The following HCLS1 variants were observed in gnomAD, a reference collection of about 807,000 sequenced individuals.
HCLS1 encodes hematopoietic lineage cell-specific protein.
HCLS1 carries 44 observed loss-of-function variants against 68.6 expected under a neutral mutation model. The ratio of observed to expected loss-of-function variants is 0.64; its 90% CI spans 0.50 to 0.82. HCLS1 has a LOEUF of 0.82. Among genes scored for constraint, HCLS1 ranks in the 40% least tolerant of loss-of-function variants. The probability of loss-of-function intolerance (pLI) is 0.00; values close to 1 mark genes in which losing one functional copy is unlikely to be tolerated. For synonymous variants in HCLS1, 217 were observed against 225.8 expected, an observed-to-expected ratio of 0.96 and a Z score of 0.35; for missense variants, 602 against 612.1, an observed-to-expected ratio of 0.98 and a Z score of 0.17.
chr3:121,648,627 C>G (rs373752878), intron 3 of HCLS1, among the ~76,000 whole-genome samples: 1 of 152,194 alleles, frequency 6.6e-6, no homozygotes, highest in Non-Finnish European at 1.5e-5. Context: ...ATTGGTTATA[C>G]GTAGAATGGC....
chr3:121,657,464 G>A (rs561603110), intron 2 of HCLS1, 112 bp from the exon 3 acceptor site: 28 of 893,376 alleles, frequency 3.1e-5, no homozygotes, highest in Non-Finnish European at 5.1e-5. Flanking sequence ...GCCTTCTTCA[G>A]TCTGGGTCTT....
intron 3 of HCLS1, among the ~76,000 whole-genome samples, chr3:121,650,303 A>G (rs1333070399): frequency 2.0e-5 from 3 of 152,168 alleles, no homozygotes. Context: ...GCATTCTTGT[A>G]GGAATTGACT....
At chr3:121,635,417 A>G (rs901854703) in intron 9 of HCLS1, among the ~76,000 whole-genome samples, 2 of 151,956 alleles carry the variant, frequency 1.3e-5, no homozygotes, top group African/African-American at 4.8e-5. Flanking sequence ...AGCTGGGATT[A>G]TAGGTGTGCA....
At chr3:121,633,216 C>T (rs1210944505) in intron 10 of HCLS1, 45 bp from the exon 11 acceptor site, 6 of 1,250,946 alleles carry the variant, frequency 4.8e-6, no homozygotes, top group East Asian at 2.5e-5. Flanking sequence ...CCTCCATCTT[C>T]ACTCCTTTTT....
Position 121,632,481 on chromosome 3 carries a change from G to C in HCLS1, c.1091C>G (p.Pro364Arg), listed in dbSNP as rs906901777. The C allele has an allele frequency of 1.2e-6, 2 of 1,614,040 alleles. No individual in the cohort carries two copies. The highest frequency in any genetic ancestry group is 1.3e-5 in the African/African-American group (1 of 75,018). The change falls in exon 12 of 14, where the codon CCT becomes CGT. Residue 364 changes from proline (P) to arginine (R), a missense_variant. Physicochemically the swap from Pro to Arg is moderately radical, Grantham distance 103 (BLOSUM62 -2). Coordinates refer to ENST00000314583, the MANE Select transcript of HCLS1 (RefSeq NM_005335.6). ...VEEEPVYEAE[P>R]EPEPEPEPEP... ...GGGCTCAGGCTCGGGCTCAGGCTCA[G>C]GCTCTGCTTCGTACACTGGCTCTTC...
intron 4 of HCLS1, among the ~76,000 whole-genome samples, chr3:121,646,720 A>G (rs902711471): frequency 1.5e-5 from 2 of 129,774 alleles, no homozygotes; most frequent in Admixed American, 9.0e-5. Flanking sequence ...TATTTATAAC[A>G]TATATAAAAT....
At chr3:121,642,811 G>T (rs1576464262) in intron 6 of HCLS1, 116 bp downstream of exon 6, 2 of 807,268 alleles carry the variant, frequency 2.5e-6, no homozygotes, top group East Asian at 5.0e-5. Flanking sequence ...AAATAAAATA[G>T]TGGTGCGCTG....
At chr3:121,639,397 T>A (rs1259290061) in intron 6 of HCLS1, among the ~76,000 whole-genome samples, 2 of 152,190 alleles carry the variant, frequency 1.3e-5, no homozygotes, top group African/African-American at 4.8e-5. Flanking sequence ...AAAGTAGAAG[T>A]CAATACCAAT....
At chr3:121,632,020 C>T (rs1420628808) in intron 13 of HCLS1, 38 bp from the exon 14 acceptor site, 6 of 1,614,054 alleles carry the variant, frequency 3.7e-6, no homozygotes, top group Admixed American at 1.7e-5. Context: ...AATGGTCAGA[C>T]ATGAATCTCT....
At chr3:121,652,307 T>C (rs542602414) in intron 3 of HCLS1, among the ~76,000 whole-genome samples, 1 of 152,306 alleles carries the variant, frequency 6.6e-6, no homozygotes, top group Non-Finnish European at 1.5e-5. Context: ...ATATTATATA[T>C]ATATAGTCAA....
chr3:121,636,894 T>C (rs1206192263), intron 7 of HCLS1, among the ~76,000 whole-genome samples: 1 of 152,088 alleles, frequency 6.6e-6, no homozygotes, highest in Non-Finnish European at 1.5e-5. Flanking sequence ...TCTGTCCTCA[T>C]TCCTTCCTCA....
At chr3:121,632,276 CT>C (rs2049104868) in intron 12 of HCLS1, 55 bp downstream of exon 12, 2 of 1,603,736 alleles carry the variant, frequency 1.2e-6, no homozygotes, top group Non-Finnish European at 1.7e-6. Context: ...ATTCTTCTTC[CT>C]CTTACCCTCC....
chr3:121,635,613 T>C (rs747364877), intron 9 of HCLS1, 122 bp downstream of exon 9: 1 of 762,164 alleles, frequency 1.3e-6, no homozygotes, highest in Non-Finnish European at 2.3e-6. Context: ...AATATGAGGA[T>C]AGGGATCAGG....
At chr3:121,657,046 G>A in intron 3 of HCLS1, 1 of 420,564 alleles carries the variant, frequency 2.4e-6, no homozygotes, top group South Asian at 5.2e-5. Context: ...GAGTTGTTAG[G>A]TATAAAAGAT....
Position 121,649,818 on chromosome 3 carries a change from C to G in HCLS1, c.159-2370G>C, listed in dbSNP as rs1937704119. ...ATGTGAACCAAGCAAAATGTAGCAC[C>G]TCAAAGATGACTCATTCCTCAATCT... On this transcript the variant is annotated intron_variant, in intron 3 of 13. Coordinates refer to ENST00000314583, the MANE Select transcript of HCLS1 (RefSeq NM_005335.6). Among the ~76,000 whole-genome samples, 3 of 152,128 alleles carry G rather than the reference C, an allele frequency of 2.0e-5. No homozygotes were observed. In the South Asian group the frequency reaches 6.2e-4, roughly 31 times the overall value.
rs1263009330 is a variant in HCLS1 at position 121,632,400 on chromosome 3, T to A, written c.1172A>T (p.Asp391Val). The change falls in exon 12 of 14, where the codon GAT (aspartate) becomes GTT (valine). Residue 391 changes from aspartate (D) to valine (V), a missense_variant. By Grantham distance (152) the Asp-to-Val change is radical (BLOSUM62 -3). Transcript: ENST00000314583. ...VEEMDRHEQE[D>V]EPEGDYEEVL... is the part of the protein sequence containing the mutation. The stretch of plus-strand genomic sequence containing the variant: ...CTCCTCATAGTCCCCCTCTGGTTCA[T>A]CCTCCTGCTCATGCCTGTCCATCTC... 6.2e-7 allele frequency: 1 copy of A among 1,613,736 alleles called. No individual in the cohort carries two copies. Among genetic ancestry groups the A allele is most frequent in the Admixed American group, 1.7e-5 (1 of 59,998 alleles).
chr3:121,637,103 C>T (rs2049156869), intron 7 of HCLS1, 43 bp downstream of exon 7: 2 of 1,324,452 alleles, frequency 1.5e-6, no homozygotes, highest in South Asian at 1.2e-5. Context: ...GGAAGGAGAT[C>T]CCTGTGCTAT....
In HCLS1 at chr3:121,656,511, TC is replaced by T. The variant is rs1217336211; in HGVS notation, c.158+767del. On this transcript the variant is annotated intron_variant, in intron 3 of 13. Coordinates refer to ENST00000314583, the MANE Select transcript of HCLS1 (RefSeq NM_005335.6). Reference sequence around the variant, plus strand: ...TCTCTCAGCCTGAATGTATGACATATCCCACAGAAACCCCTGGATATGTCTG... The same window carrying T: ...TCTCTCAGCCTGAATGTATGACATATCCACAGAAACCCCTGGATATGTCTG... 2.6e-5 allele frequency among the ~76,000 whole-genome samples: 4 copies of T among 152,190 alleles called. No individual in the cohort carries two copies. In the East Asian group the frequency reaches 5.8e-4, roughly 22 times the overall value.
At chr3:121,642,847 A>C (rs2049213382) in intron 6 of HCLS1, 80 bp downstream of exon 6, 3 of 1,086,918 alleles carry the variant, frequency 2.8e-6, no homozygotes, top group Non-Finnish European at 4.3e-6. Flanking sequence ...AAAGCTGATG[A>C]CAACTGCTGG....
Sources: gnomAD v4.1 joint callset for allele counts (sites outside exome capture counted in the v4.1 genomes callset) on GRCh38, gnomAD v4.1.1 for gene constraint, MANE v1.5 for transcripts, NCBI Gene and HGNC (gene_info 2026-07-23, HGNC 2026-07-21) for gene names.